The following ZNF532 variants were observed in gnomAD, a reference collection of about 807,000 sequenced individuals.
ZNF532 encodes the protein zinc finger protein 532.
In ZNF532, 22 loss-of-function variants were observed where a neutral mutation model predicts 89.3. The observed-to-expected ratio is 0.25, with a 90% CI of 0.18 to 0.35. The LOEUF (loss-of-function observed/expected upper bound fraction) is 0.35. ZNF532 is among the 10% of genes least tolerant of loss of function. The pLI is 1.00. For synonymous variants in ZNF532, 606 were observed against 649.6 expected (o/e 0.93, Z 1.02); for missense variants, 1,132 against 1,643.4 (o/e 0.69, Z 5.38).
intron 2 of ZNF532, among the ~76,000 whole-genome samples, chr18:58,866,825 T>C (rs550877983): frequency 6.6e-6 from 1 of 152,368 alleles, no homozygotes; most frequent in East Asian, 1.9e-4. Context: ...CAAGAGTGCA[T>C]GGTTAGCTCA....
In ZNF532 at chr18:58,888,847, A is replaced by C. The variant is rs1389595236; in HGVS notation, c.-18+23268A>C. 3.4e-5 allele frequency among the ~76,000 whole-genome samples: 2 copies of C among 59,358 alleles called. 1 individual carries two copies. The highest frequency in any genetic ancestry group is 1.8e-4 in the African/African-American group (2 of 10,902). The allele number at this position is 59,358 out of a possible 152,430, so 38.9% of individuals were successfully genotyped here. The stretch of plus-strand genomic sequence containing the variant: ...TATAAATTATATATATAATTTATAT[A>C]TATATAATTTATATATATATAATAT... On this transcript the variant is annotated intron_variant, in intron 2 of 9. Transcript: ENST00000591808.
At chr18:58,899,810 CT>C (rs1450050778) in intron 2 of ZNF532, among the ~76,000 whole-genome samples, 1 of 152,164 alleles carries the variant, frequency 6.6e-6, no homozygotes, top group Non-Finnish European at 1.5e-5. Context: ...CTGTATTGAA[CT>C]TTTAATTTTC....
intron 4 of ZNF532, among the ~76,000 whole-genome samples, chr18:58,936,157 T>A (rs148010547): frequency 4.7e-4 from 71 of 152,368 alleles, no homozygotes; most frequent in Non-Finnish European, 3.2e-4. Flanking sequence ...GTATTCTTTC[T>A]GTGCCATGGT....
At chr18:58,943,158 C>CTT (rs11289347) in intron 5 of ZNF532, among the ~76,000 whole-genome samples, 32 of 123,110 alleles carry the variant, frequency 2.6e-4, no homozygotes, top group Non-Finnish European at 3.3e-4. Context: ...ATTACTATAT[C>CTT]TTTTTTTTTT....
At chr18:58,873,345 C>T (rs988963243) in intron 2 of ZNF532, among the ~76,000 whole-genome samples, 1 of 152,058 alleles carries the variant, frequency 6.6e-6, no homozygotes, top group African/African-American at 2.4e-5. Flanking sequence ...ATTTAATCCT[C>T]CTCCTATTTA....
intron 2 of ZNF532, among the ~76,000 whole-genome samples, chr18:58,875,318 T>C (rs2319978): frequency 0.089 from 13,538 of 152,220 alleles, 626 homozygotes; most frequent in Middle Eastern, 0.16. Context: ...GTCCTTTTTT[T>C]CCTATTTTTA....
In ZNF532 at chr18:58,888,715, ATATATAT is replaced by A. The variant is rs1475734089; in HGVS notation, c.-18+23137_-18+23143del. Among the ~76,000 whole-genome samples the A allele has an allele frequency of 2.7e-3, 127 of 46,732 alleles. 1 individual carries two copies. The highest frequency in any genetic ancestry group is 0.014 in the African/African-American group (124 of 8,558). The allele number at this position is 46,732 out of a possible 152,430, so 30.7% of individuals were successfully genotyped here. A position where few individuals can be genotyped will look rare whatever the true frequency, so the allele number is the denominator to read the frequency against. On this transcript the variant is annotated intron_variant, in intron 2 of 9. Transcript: ENST00000591808. ...AAAAAAATTATATATATATATATAT[ATATATAT>A]ATAAATTATATATATATATTTTATA... is the stretch of plus-strand genomic sequence containing the variant.
At chr18:58,885,922 T>G (rs1384479829) in intron 2 of ZNF532, among the ~76,000 whole-genome samples, 1 of 152,072 alleles carries the variant, frequency 6.6e-6, no homozygotes, top group Non-Finnish European at 1.5e-5. Flanking sequence ...CTTTTAAAGC[T>G]GGGGGTCAGG....
intron 5 of ZNF532, among the ~76,000 whole-genome samples, chr18:58,942,320 C>A (rs1454591925): frequency 2.7e-5 from 1 of 36,810 alleles, no homozygotes; most frequent in East Asian, 1.2e-3. Flanking sequence ...CCGCGCCTGG[C>A]CCCTCCCTCC....
rs375185603 is a variant in ZNF532, at chr18:58,918,868, A to C, written c.581A>C (p.Asn194Thr). 38 of 1,614,034 alleles carry C rather than the reference A, an allele frequency of 2.4e-5. No individual in the cohort carries two copies. Among genetic ancestry groups the C allele is most frequent in the Non-Finnish European group, 3.1e-5 (37 of 1,180,042 alleles). The change falls in exon 3 of 10, where the codon AAT (asparagine) becomes ACT (threonine). Residue 194 changes from asparagine (N) to threonine (T), a missense_variant. Asn to Thr is a moderately conservative substitution (Grantham distance 65). Transcript: ENST00000591808. ...SSKTGLSTSG[N>T]VEKNKAVKRE... ...AAAACTGGACTCTCTACGTCAGGCAATGTGGAGAAAAACAAAGCTGTTAAG... is the reference window on the plus strand; with the variant it reads ...AAAACTGGACTCTCTACGTCAGGCACTGTGGAGAAAAACAAAGCTGTTAAG...
intron 2 of ZNF532, among the ~76,000 whole-genome samples, chr18:58,888,902 T>TAA (rs1242894972): frequency 3.8e-5 from 3 of 79,382 alleles, no homozygotes; most frequent in Non-Finnish European, 7.3e-5. Flanking sequence ...TATATATATA[T>TAA]ATATATATAT....
chr18:58,875,201 G>C (rs1387837388), intron 2 of ZNF532, among the ~76,000 whole-genome samples: 4 of 150,502 alleles, frequency 2.7e-5, no homozygotes, highest in Non-Finnish European at 5.9e-5. Context: ...CTGGAGATGA[G>C]TGTCTTGCTG....
At chr18:58,899,005 G>A (rs926040934) in intron 2 of ZNF532, among the ~76,000 whole-genome samples, 2 of 152,256 alleles carry the variant, frequency 1.3e-5, no homozygotes, top group Non-Finnish European at 2.9e-5. Flanking sequence ...TGTCTACCAC[G>A]CAGGCCGGGG....
chr18:58,943,223 G>A (rs1254451021), intron 5 of ZNF532, among the ~76,000 whole-genome samples: 21 of 142,762 alleles, frequency 1.5e-4, no homozygotes, highest in Admixed American at 7.9e-4. Flanking sequence ...GCAGTGGCGC[G>A]ATCTCTGCTC....
At chr18:58,974,869 T>G (rs1005797842) in intron 7 of ZNF532, among the ~76,000 whole-genome samples, 1 of 152,214 alleles carries the variant, frequency 6.6e-6, no homozygotes, top group African/African-American at 2.4e-5. Flanking sequence ...TTTTTTGCAT[T>G]TCTTAACCAT....
Position 58,985,060 on chromosome 18 carries a change from T to C in ZNF532, c.*594T>C, listed in dbSNP as rs1426076377. 1 of 152,514 alleles carries C rather than the reference T, an allele frequency of 6.6e-6. No individual in the cohort carries two copies. Among genetic ancestry groups the C allele is most frequent in the African/African-American group, 2.4e-5 (1 of 41,374 alleles). 9.4% of individuals were successfully genotyped at this position (152,514 alleles called of 1,614,324 possible). On this transcript the variant is annotated 3_prime_UTR_variant, in exon 10 of 10. Coordinates refer to ENST00000591808, the MANE Select transcript of ZNF532 (RefSeq NM_001375912.1). ...TGGACGTGCCTTTGTCTTCAGGCCA[T>C]GCCGAAGGGTGTTTAAAGCAGTCTT...
Position 58,918,867 on chromosome 18 carries a change from A to G in ZNF532, c.580A>G (p.Asn194Asp). 1.9e-6 allele frequency: 3 copies of G among 1,614,184 alleles called. No individual in the cohort carries two copies. The highest frequency in any genetic ancestry group is 2.5e-6 in the Non-Finnish European group (3 of 1,180,036). The change falls in exon 3 of 10, where the codon AAT becomes GAT. Residue 194 changes from asparagine to aspartate, a missense_variant. Physicochemically the swap from Asn to Asp is conservative, Grantham distance 23 (BLOSUM62 1). Transcript: ENST00000591808. ...CAAAACTGGACTCTCTACGTCAGGCAATGTGGAGAAAAACAAAGCTGTTAA... is the reference window on the plus strand; with the variant it reads ...CAAAACTGGACTCTCTACGTCAGGCGATGTGGAGAAAAACAAAGCTGTTAA... ...SSKTGLSTSG[N>D]VEKNKAVKRE...
chr18:58,898,485 G>C (rs1261803433), intron 2 of ZNF532, among the ~76,000 whole-genome samples: 1 of 152,172 alleles, frequency 6.6e-6, no homozygotes, highest in Non-Finnish European at 1.5e-5. Context: ...TCTATGGCCT[G>C]GCCCCTGTGT....
At chr18:58,964,924 C>A (rs980585355) in intron 7 of ZNF532, among the ~76,000 whole-genome samples, 1 of 149,452 alleles carries the variant, frequency 6.7e-6, no homozygotes, top group African/African-American at 2.4e-5. Flanking sequence ...TTATTATATT[C>A]TAAATATTTT....
Sources: allele counts gnomAD v4.1 joint callset (sites outside exome capture counted in the v4.1 genomes callset), GRCh38; gene constraint gnomAD v4.1.1; transcripts MANE v1.5; gene names NCBI Gene and HGNC (gene_info 2026-07-23, HGNC 2026-07-21).